Variants in MAF observed in about 807,000 individuals in gnomAD.
The protein encoded by MAF is transcription factor Maf.
Under a neutral mutation model 22.0 loss-of-function variants are expected in MAF, and 10 were observed. The observed-to-expected ratio is 0.45, with a 90% confidence interval of 0.28 to 0.77. The LOEUF (loss-of-function observed/expected upper bound fraction) is 0.77, where lower values mean the gene tolerates loss of function less well. Among genes scored for constraint, MAF ranks in the 30% least tolerant of loss-of-function variants. MAF has a pLI of 0.12. For missense variants in MAF, 544 were observed against 548.4 expected (o/e 0.99, Z 0.08); for synonymous variants, 337 against 255.8 (o/e 1.32, Z -3.03).
chr16:79,524,136 C>T, the MAF span, among the ~76,000 whole-genome samples: 1 of 152,148 alleles, frequency 6.6e-6, no homozygotes, highest in East Asian at 1.9e-4. Flanking sequence ...CATCAGCATC[C>T]CTGGTTGCTT....
the MAF span, among the ~76,000 whole-genome samples, chr16:79,335,764 G>C: frequency 6.6e-6 from 1 of 152,164 alleles, no homozygotes; most frequent in Non-Finnish European, 1.5e-5. Context: ...AACTAGGATG[G>C]GTCTTGGCTG....
chr16:79,256,937 G>T, the MAF span, among the ~76,000 whole-genome samples: 4 of 152,310 alleles, frequency 2.6e-5, no homozygotes, highest in East Asian at 7.7e-4. Flanking sequence ...CCAGCACTTT[G>T]GGAGGCCGAG....
downstream of MAF, among the ~76,000 whole-genome samples, chr16:79,590,135 G>A (rs1206980038): frequency 1.3e-5 from 2 of 152,156 alleles, no homozygotes; most frequent in African/African-American, 4.8e-5. Flanking sequence ...TGATGTCCAG[G>A]GCTATTGGGC....
the MAF span, among the ~76,000 whole-genome samples, chr16:79,383,566 A>T: frequency 4.6e-5 from 7 of 152,232 alleles, no homozygotes; most frequent in African/African-American, 1.4e-4. Flanking sequence ...GTATGCTTTG[A>T]TCTCAAGAAG....
the MAF span, among the ~76,000 whole-genome samples, chr16:79,420,814 G>A: frequency 6.6e-6 from 1 of 152,196 alleles, no homozygotes; most frequent in African/African-American, 2.4e-5. Flanking sequence ...TGGATCACCT[G>A]AGGTCAGGAG....
At chr16:79,465,985 G>C in the MAF span, among the ~76,000 whole-genome samples, 1 of 152,212 alleles carries the variant, frequency 6.6e-6, no homozygotes, top group Non-Finnish European at 1.5e-5. Flanking sequence ...GTATTCATCT[G>C]TAATTCCTTC....
the MAF span, among the ~76,000 whole-genome samples, chr16:79,483,761 G>A: frequency 6.6e-6 from 1 of 152,158 alleles, no homozygotes; most frequent in South Asian, 2.1e-4. Context: ...GCAAGCTTCT[G>A]GGGCTGGATA....
chr16:79,502,593 G>A, the MAF span, among the ~76,000 whole-genome samples: 27 of 151,092 alleles, frequency 1.8e-4, no homozygotes, highest in East Asian at 4.8e-3. Context: ...CTGAGCCCAG[G>A]AGGTGGAGGT....
rs563962692 is a variant in MAF, at chr16:79,598,622, C to A, written c.1118+163G>T. ...TGTGTGTGTGTGTGGTGTGTGCGTG[C>A]GGGTTTGTGTGTGTGTAGGGGGCCA... On this transcript the variant is annotated intron_variant, in intron 1 of 1. Coordinates refer to ENST00000326043, the MANE Select transcript of MAF (RefSeq NM_005360.5). 3,358 of 1,403,016 alleles carry A rather than the reference C, an allele frequency of 2.4e-3. 9 individuals carry two copies. Among genetic ancestry groups the A allele is most frequent in the Non-Finnish European group, 2.8e-3 (3,018 of 1,072,542 alleles). The allele number at this position is 1,403,016 out of a possible 1,614,324, so 86.9% of individuals were successfully genotyped here. A position where few individuals can be genotyped will look rare whatever the true frequency, so the allele number is the denominator to read the frequency against.
the MAF span, among the ~76,000 whole-genome samples, chr16:79,509,700 T>A: frequency 1.3e-5 from 2 of 152,360 alleles, no homozygotes; most frequent in African/African-American, 4.8e-5. Context: ...GGGCCTGGCA[T>A]GGCATTGCCT....
the MAF span, among the ~76,000 whole-genome samples, chr16:79,320,829 A>G: frequency 6.6e-6 from 1 of 152,178 alleles, no homozygotes; most frequent in Non-Finnish European, 1.5e-5. Flanking sequence ...TAAGTGTTTT[A>G]TATATTGATT....
the MAF span, among the ~76,000 whole-genome samples, chr16:79,428,849 A>AAAAAAAAT: frequency 3.2e-4 from 47 of 146,640 alleles, no homozygotes; most frequent in Middle Eastern, 3.6e-3. Context: ...TGTCTCAGAA[A>AAAAAAAAT]AATAATAATA....
the MAF span, among the ~76,000 whole-genome samples, chr16:79,405,005 G>A: frequency 2.6e-5 from 4 of 152,296 alleles, no homozygotes; most frequent in South Asian, 4.1e-4. Flanking sequence ...AGGTGTCACT[G>A]TGTCACCGGG....
the MAF span, among the ~76,000 whole-genome samples, chr16:79,355,940 CG>C: frequency 6.6e-6 from 1 of 152,074 alleles, no homozygotes; most frequent in Non-Finnish European, 1.5e-5. Flanking sequence ...AAAATAGCCT[CG>C]TAATCCTTCT....
At chr16:79,234,060 A>T in the MAF span, among the ~76,000 whole-genome samples, 6 of 152,006 alleles carry the variant, frequency 3.9e-5, no homozygotes, top group Admixed American at 3.3e-4. Context: ...CTTTCATTAA[A>T]TATTTTCAGA....
the MAF span, among the ~76,000 whole-genome samples, chr16:79,442,844 C>T: frequency 1.2e-4 from 18 of 152,228 alleles, no homozygotes; most frequent in Non-Finnish European, 2.1e-4. Context: ...GGGTAAACCA[C>T]ACCCAACAGA....
At chr16:79,545,791 A>G in the MAF span, among the ~76,000 whole-genome samples, 3 of 152,180 alleles carry the variant, frequency 2.0e-5, no homozygotes, top group Admixed American at 1.3e-4. Context: ...TAAAATTTCA[A>G]TTAGAGAGGA....
chr16:79,211,223 C>T, the MAF span, among the ~76,000 whole-genome samples: 5 of 152,054 alleles, frequency 3.3e-5, no homozygotes, highest in African/African-American at 7.2e-5. Context: ...GATTTGGTAT[C>T]GAATTACATT....
chr16:79,594,561 T>C lies in MAF; in HGVS notation c.1119-8A>G. ...TTGCGAGTGGGCTCAGTTCTGTAAT[T>C]GGAATGAAAGGAATTTTAACACTAT... On this transcript the variant is annotated splice_region_variant and splice_polypyrimidine_tract_variant and intron_variant, in intron 1 of 1. Coordinates refer to ENST00000326043, the MANE Select transcript of MAF (RefSeq NM_005360.5). The C allele has an allele frequency of 1.9e-6, 3 of 1,556,898 alleles. No individual in the cohort carries two copies. Among genetic ancestry groups the C allele is most frequent in the Non-Finnish European group, 2.6e-6 (3 of 1,148,854 alleles).
Sources: allele counts gnomAD v4.1 joint callset (sites outside exome capture counted in the v4.1 genomes callset), GRCh38; gene constraint gnomAD v4.1.1; transcripts MANE v1.5; gene names NCBI Gene and HGNC (gene_info 2026-07-23, HGNC 2026-07-21).